Variants in PDGFC observed in about 807,000 individuals in gnomAD.
PDGFC encodes the protein platelet-derived growth factor C.
PDGFC carries 12 observed loss-of-function variants against 35.5 expected under a neutral mutation model. That is an observed-to-expected ratio of 0.34 (90% CI 0.22 to 0.55). The LOEUF (loss-of-function observed/expected upper bound fraction) is 0.55. Among genes scored for constraint, PDGFC ranks in the 20% least tolerant of loss-of-function variants. The pLI is 0.91. For synonymous variants in PDGFC, 159 were observed against 148.8 expected (o/e 1.07, Z -0.50); for missense variants, 322 against 412.4 (o/e 0.78, Z 1.90).
At chr4:156,830,319 A>G (rs973899008) in intron 2 of PDGFC, among the ~76,000 whole-genome samples, 1 of 151,886 alleles carries the variant, frequency 6.6e-6, no homozygotes, top group African/African-American at 2.4e-5. Context: ...GCATTATACC[A>G]TTCCATTTGG....
At chr4:156,956,883 T>C (rs1732225165) in intron 1 of PDGFC, among the ~76,000 whole-genome samples, 1 of 152,018 alleles carries the variant, frequency 6.6e-6, no homozygotes, top group Admixed American at 6.6e-5. Context: ...GTAAGTCCTC[T>C]AAATATACAC....
At chr4:156,824,303 TATATATATATATATATATATATATAC>T (rs70956695) in intron 2 of PDGFC, among the ~76,000 whole-genome samples, 1,923 of 41,242 alleles carry the variant, frequency 0.047, 38 homozygotes, top group Non-Finnish European at 0.072. Flanking sequence ...TATATATATA[TATATATATATATATATATATATATAC>T]ACACACACAC....
At chr4:156,799,449 C>T (rs1306440906) in intron 3 of PDGFC, among the ~76,000 whole-genome samples, 3 of 152,148 alleles carry the variant, frequency 2.0e-5, no homozygotes, top group Non-Finnish European at 4.4e-5. Flanking sequence ...TCCAAACTTA[C>T]TGTAGGAGTG....
At position 156,960,258 on chromosome 4, in the gene PDGFC, A is replaced by ATATATATATATATATATG. The variant is rs917925610; in HGVS notation, c.118+10527_118+10528insCATATATATATATATATA. The stretch of plus-strand genomic sequence containing the variant: ...TTTGATATATATATAACTGTTATAT[A>ATATATATATATATATATG]TATATATATATATATAAAACTATAA... On this transcript the variant is annotated intron_variant, in intron 1 of 5. Transcript: ENST00000502773. 2.8e-3 allele frequency among the ~76,000 whole-genome samples: 408 copies of ATATATATATATATATATG among 147,420 alleles called. 3 individuals are homozygous for ATATATATATATATATATG. Among genetic ancestry groups the ATATATATATATATATATG allele is most frequent in the African/African-American group, 9.7e-3 (394 of 40,526 alleles).
chr4:156,895,573 A>G (rs1330863324), intron 1 of PDGFC, among the ~76,000 whole-genome samples: 3 of 151,896 alleles, frequency 2.0e-5, no homozygotes, highest in Admixed American at 1.3e-4. Context: ...CAGAGGTTGC[A>G]GTAAGCTGAG....
At chr4:156,942,603 T>C (rs1731835306) in intron 1 of PDGFC, among the ~76,000 whole-genome samples, 1 of 150,882 alleles carries the variant, frequency 6.6e-6, no homozygotes, top group Non-Finnish European at 1.5e-5. Context: ...TGAGAAACAG[T>C]AAGAGCACAA....
chr4:156,852,151 A>T (rs1729473304), intron 1 of PDGFC, among the ~76,000 whole-genome samples: 2 of 152,160 alleles, frequency 1.3e-5, no homozygotes, highest in African/African-American at 4.8e-5. Context: ...CAACTTTTAT[A>T]TACTCATAAT....
rs1021562867 is a variant in PDGFC at position 156,864,189 on chromosome 4, A to T, written c.119-13773T>A. 2.6e-5 allele frequency among the ~76,000 whole-genome samples: 4 copies of T among 152,144 alleles called. No homozygotes were observed. The South Asian group carries it at 8.3e-4, about 31-fold the overall frequency. On this transcript the variant is annotated intron_variant, in intron 1 of 5. Transcript: ENST00000502773. The stretch of plus-strand genomic sequence containing the variant: ...TTACAAATAAAATTTGGTGGATAAA[A>T]AGGGTAATGTAAGGGTTGGTTTCTG...
intron 3 of PDGFC, among the ~76,000 whole-genome samples, chr4:156,776,509 C>T (rs1411732177): frequency 2.6e-5 from 4 of 152,254 alleles, no homozygotes; most frequent in Non-Finnish European, 5.9e-5. Flanking sequence ...TCTGTGTTAT[C>T]ACCTGCAGGG....
intron 1 of PDGFC, among the ~76,000 whole-genome samples, chr4:156,935,953 G>T (rs1024612532): frequency 3.3e-5 from 5 of 152,150 alleles, no homozygotes; most frequent in African/African-American, 1.2e-4. Context: ...CTATTTAGGG[G>T]TCATAGACAG....
intron 1 of PDGFC, among the ~76,000 whole-genome samples, chr4:156,961,611 C>T (rs1456685724): frequency 1.3e-5 from 2 of 152,008 alleles, no homozygotes; most frequent in African/African-American, 4.8e-5. Flanking sequence ...ACACGGGACC[C>T]GAATGAATGT....
chr4:156,766,865 C>G (rs1730544172), intron 5 of PDGFC, among the ~76,000 whole-genome samples: 1 of 152,052 alleles, frequency 6.6e-6, no homozygotes, highest in East Asian at 1.9e-4. Context: ...TTCTAGAGCT[C>G]GGCTTTCACT....
chr4:156,938,617 C>A (rs1233642304), intron 1 of PDGFC, among the ~76,000 whole-genome samples: 1 of 151,640 alleles, frequency 6.6e-6, no homozygotes, highest in Non-Finnish European at 1.5e-5. Flanking sequence ...TAATAACATA[C>A]ATATAAAATT....
chr4:156,802,303 T>C (rs1731633255), intron 3 of PDGFC, among the ~76,000 whole-genome samples: 1 of 152,164 alleles, frequency 6.6e-6, no homozygotes, highest in African/African-American at 2.4e-5. Flanking sequence ...AATAAAATTC[T>C]GAAAACTAAA....
chr4:156,792,904 G>A (rs1322886127), intron 3 of PDGFC, among the ~76,000 whole-genome samples: 5 of 152,010 alleles, frequency 3.3e-5, no homozygotes, highest in East Asian at 1.9e-4. Flanking sequence ...CTTCACCTCC[G>A]CATATTGCCA....
chr4:156,957,575 G>A (rs1035810860), intron 1 of PDGFC, among the ~76,000 whole-genome samples: 1 of 151,868 alleles, frequency 6.6e-6, no homozygotes, highest in African/African-American at 2.4e-5. Context: ...ATTTCTTCCT[G>A]TGAGATTTCC....
intron 1 of PDGFC, among the ~76,000 whole-genome samples, chr4:156,853,696 T>C (rs1310183471): frequency 6.6e-6 from 1 of 152,200 alleles, no homozygotes; most frequent in East Asian, 1.9e-4. Flanking sequence ...GCACTGTGGC[T>C]CCTGTCTGTA....
intron 1 of PDGFC, among the ~76,000 whole-genome samples, chr4:156,926,319 T>G (rs957603522): frequency 6.6e-6 from 1 of 151,870 alleles, no homozygotes; most frequent in Non-Finnish European, 1.5e-5. Context: ...CCAAGAAAAC[T>G]CAGGAAAAAA....
intron 3 of PDGFC, among the ~76,000 whole-genome samples, chr4:156,786,088 C>T (rs1414812745): frequency 6.6e-6 from 1 of 152,160 alleles, no homozygotes; most frequent in African/African-American, 2.4e-5. Context: ...TTCATAACCA[C>T]ACTAATAGGC....
Sources: allele counts gnomAD v4.1 joint callset (sites outside exome capture counted in the v4.1 genomes callset), GRCh38; gene constraint gnomAD v4.1.1; transcripts MANE v1.5; gene names NCBI Gene and HGNC (gene_info 2026-07-23, HGNC 2026-07-21).